The following RYR2 variants were observed in gnomAD, a reference collection of about 807,000 sequenced individuals.
RYR2 encodes ryanodine receptor 2, also known as cardiac muscle ryanodine receptor-calcium release channel.
RYR2 carries 227 observed loss-of-function variants against 601.1 expected under a neutral mutation model. That is an observed-to-expected ratio of 0.38 (90% CI 0.34 to 0.42). The LOEUF (loss-of-function observed/expected upper bound fraction) is 0.42, where lower values mean the gene tolerates loss of function less well. Ranked by LOEUF, RYR2 falls within the 10% of genes least tolerant of loss-of-function variation. The pLI is 1.00. For missense variants in RYR2, 4,646 were observed against 6,156.5 expected, an observed-to-expected ratio of 0.75 and a Z score of 8.21; for synonymous variants, 2,223 against 2,175.1, an observed-to-expected ratio of 1.02 and a Z score of -0.61.
chr1:237,566,019 T>C (rs886176960), intron 27 of RYR2, among the ~76,000 whole-genome samples: 2 of 152,220 alleles, frequency 1.3e-5, no homozygotes, highest in African/African-American at 4.8e-5. Flanking sequence ...AAATTTTGCA[T>C]CACATTTGAG....
chr1:237,520,931 G>A (rs569567853), intron 24 of RYR2, among the ~76,000 whole-genome samples: 1 of 152,200 alleles, frequency 6.6e-6, no homozygotes, highest in African/African-American at 2.4e-5. Context: ...AGCTACTCAA[G>A]GAGGCTGAGG....
At chr1:237,141,166 G>A (rs117395874) in intron 1 of RYR2, among the ~76,000 whole-genome samples, 1 of 152,182 alleles carries the variant, frequency 6.6e-6, no homozygotes, top group African/African-American at 2.4e-5. Flanking sequence ...TTGTCTGGCT[G>A]TAGCTGCTAG....
chr1:237,494,392 G>C (rs1409742519), intron 19 of RYR2, among the ~76,000 whole-genome samples: 3 of 152,132 alleles, frequency 2.0e-5, no homozygotes, highest in Non-Finnish European at 4.4e-5. Flanking sequence ...AAAGATGAAG[G>C]ATGGAAAACT....
chr1:237,330,554 C>T (rs2808225), intron 2 of RYR2, among the ~76,000 whole-genome samples: 1 of 151,894 alleles, frequency 6.6e-6, no homozygotes, highest in Non-Finnish European at 1.5e-5. Context: ...CGTCTGGCTA[C>T]TTTTTGTATT....
At chr1:237,395,564 T>TTTG (rs1400077755) in intron 10 of RYR2, among the ~76,000 whole-genome samples, 829 of 77,498 alleles carry the variant, frequency 0.011, 21 homozygotes, top group South Asian at 0.017. Context: ...TTTTTTTTTT[T>TTTG]GAGACAGAGT....
In RYR2 at chr1:237,454,394, C is replaced by A. The variant is rs184176405; in HGVS notation, c.1296C>A (p.Gly432=). 1.9e-4 allele frequency: 306 copies of A among 1,603,528 alleles called. 3 individuals are homozygous for A. The African/African-American group carries it at 3.6e-3, about 19-fold the overall frequency. The change falls in exon 15 of 105, where the codon GGC becomes GGA. Residue 432 remains glycine, a synonymous_variant. Transcript: ENST00000366574. ...AAATGTTTATGGTTTATTTTAGGGG[C>A]CTTGATGCTCTCAGCAAGAAAGCGA... The part of the protein sequence containing the change: ...TVFLFNRFIR[G]LDALSKKAKA...
chr1:237,281,982 G>A (rs1332051478), intron 2 of RYR2, among the ~76,000 whole-genome samples: 2 of 148,118 alleles, frequency 1.4e-5, no homozygotes, highest in African/African-American at 2.6e-5. Context: ...CCTGGTAACA[G>A]AGTATATACT....
intron 35 of RYR2, among the ~76,000 whole-genome samples, chr1:237,603,412 A>C (rs1479675862): frequency 6.6e-6 from 1 of 152,068 alleles, no homozygotes; most frequent in East Asian, 1.9e-4. Flanking sequence ...TTATTCACTG[A>C]CCCCGTGAGG....
chr1:237,126,821 G>A (rs1163057390), intron 1 of RYR2, among the ~76,000 whole-genome samples: 1 of 151,750 alleles, frequency 6.6e-6, no homozygotes, highest in Non-Finnish European at 1.5e-5. Context: ...ATTCTTGGGT[G>A]TTTCTCACAG....
intron 1 of RYR2, among the ~76,000 whole-genome samples, chr1:237,073,053 G>C (rs189850711): frequency 1.3e-5 from 2 of 151,850 alleles, no homozygotes; most frequent in East Asian, 1.9e-4. Context: ...CCCACCGCAC[G>C]CTGAACTAGA....
At chr1:237,355,781 C>T (rs964812700) in intron 3 of RYR2, among the ~76,000 whole-genome samples, 184 bp from the exon 4 acceptor site, 4 of 151,984 alleles carry the variant, frequency 2.6e-5, no homozygotes, top group African/African-American at 9.7e-5. Context: ...TAACTGAATT[C>T]TTTTTGTTTG....
In RYR2 at chr1:237,550,706, C is replaced by T. The variant is rs1339197194; in HGVS notation, c.3214+15C>T. ...TCAAGATCATGGTATTTTGGTTTTA[C>T]TTTCCTCTTCTTCGGTTGCAAGATG... On this transcript the variant is annotated intron_variant, in intron 27 of 104. Coordinates refer to ENST00000366574, the MANE Select transcript of RYR2 (RefSeq NM_001035.3). The T allele has an allele frequency of 1.3e-6, 2 of 1,535,734 alleles. No individual in the cohort carries two copies. Among genetic ancestry groups the T allele is most frequent in the Admixed American group, 2.1e-5 (1 of 47,130 alleles).
At chr1:237,210,905 C>T (rs1462954973) in intron 1 of RYR2, among the ~76,000 whole-genome samples, 3 of 152,134 alleles carry the variant, frequency 2.0e-5, no homozygotes, top group Admixed American at 1.3e-4. Context: ...ACCTTTGAAG[C>T]TTTTATGTGT....
chr1:237,770,587 G>A (rs1694191747), intron 84 of RYR2, among the ~76,000 whole-genome samples: 1 of 152,208 alleles, frequency 6.6e-6, no homozygotes, highest in Admixed American at 6.5e-5. Flanking sequence ...AGAAGTCTGA[G>A]TTTTAAAATT....
chr1:237,337,022 A>T (rs1697307717), intron 3 of RYR2, among the ~76,000 whole-genome samples: 2 of 151,798 alleles, frequency 1.3e-5, no homozygotes, highest in South Asian at 2.1e-4. Context: ...AGGCTGAGGC[A>T]TGTGGATCAC....
chr1:237,591,647 G>A, intron 31 of RYR2, 92 bp from the exon 32 acceptor site: 1 of 1,081,858 alleles, frequency 9.2e-7, no homozygotes, highest in East Asian at 2.6e-5. Context: ...AAATCGCCCA[G>A]GTTTAAGGCA....
chr1:237,722,955 A>G (rs1174110297), intron 73 of RYR2, among the ~76,000 whole-genome samples, 173 bp from the exon 74 acceptor site: 1 of 152,188 alleles, frequency 6.6e-6, no homozygotes, highest in East Asian at 1.9e-4. Context: ...CATGCTGTAC[A>G]TTAGATCTCC....
chr1:237,124,422 G>C (rs1422557252), intron 1 of RYR2, among the ~76,000 whole-genome samples: 2 of 152,074 alleles, frequency 1.3e-5, no homozygotes, highest in Admixed American at 1.3e-4. Flanking sequence ...ATATTTCATG[G>C]CTGAAAGCAA....
intron 92 of RYR2, among the ~76,000 whole-genome samples, 174 bp from the exon 93 acceptor site, chr1:237,791,255 T>C (rs894765305): frequency 1.3e-5 from 2 of 152,220 alleles, no homozygotes; most frequent in Non-Finnish European, 2.9e-5. Context: ...GTCTCCTCCA[T>C]GGTGGCAGAA....
Sources: allele counts gnomAD v4.1 joint callset (sites outside exome capture counted in the v4.1 genomes callset), GRCh38; gene constraint gnomAD v4.1.1; transcripts MANE v1.5; gene names NCBI Gene and HGNC (gene_info 2026-07-23, HGNC 2026-07-21).